Variants in PSME4 observed in about 807,000 individuals in gnomAD.
PSME4 encodes proteasome activator subunit 4.
A neutral mutation model predicts 253.9 loss-of-function variants in PSME4; 89 were observed. That is an observed-to-expected ratio of 0.35 (90% confidence interval 0.30 to 0.42). The LOEUF (loss-of-function observed/expected upper bound fraction) is 0.42. Ranked by LOEUF, PSME4 falls within the 10% of genes least tolerant of loss-of-function variation. The pLI, the probability that PSME4 is intolerant of heterozygous loss-of-function variation, is 1.00. For missense variants in PSME4, 2,014 were observed against 2,195.2 expected (o/e 0.92, Z 1.65); for synonymous variants, 851 against 759.2 (o/e 1.12, Z -1.99).
chr2:53,926,440 G>A (rs538875173), intron 12 of PSME4, among the ~76,000 whole-genome samples: 196 of 152,266 alleles, frequency 1.3e-3, no homozygotes, highest in African/African-American at 4.6e-3. Flanking sequence ...TTGGGAGGCC[G>A]AGGCAAGCGA....
chr2:53,937,317 T>TA, intron 5 of PSME4, 74 bp downstream of exon 5: 1 of 1,324,808 alleles, frequency 7.5e-7, no homozygotes, highest in African/African-American at 1.5e-5. Context: ...TTCTAGTTGT[T>TA]ATTGTTTTAC....
rs1358786261 is a variant in PSME4, at chr2:53,928,162, C to G, written c.1458G>C (p.Met486Ile). The change falls in exon 11 of 47, where the codon ATG becomes ATC. Residue 486 changes from methionine (M) to isoleucine (I), a missense_variant. Transcript: ENST00000404125. ...TTGGATCCACCCCAGGCAATGCTCT[C>G]ATCAACAGAGGTAGCATATGTGTAG... Reference protein sequence around the residue: ...EGPTHMLPLLMRALPGVDPND... With the variant: ...EGPTHMLPLLIRALPGVDPND... The G allele has an allele frequency of 6.2e-7, 1 of 1,614,002 alleles. No homozygotes were observed. Among genetic ancestry groups the G allele is most frequent in the African/African-American group, 1.3e-5 (1 of 74,898 alleles).
intron 45 of PSME4, 151 bp downstream of exon 45, chr2:53,866,596 T>A (rs1678575753): frequency 2.4e-6 from 2 of 843,574 alleles, no homozygotes; most frequent in Non-Finnish European, 1.7e-6. Flanking sequence ...CTCTGTAATT[T>A]TTTAATAATT....
intron 3 of PSME4, among the ~76,000 whole-genome samples, chr2:53,941,289 T>C (rs1170652576): frequency 6.8e-6 from 1 of 146,782 alleles, no homozygotes; most frequent in African/African-American, 2.5e-5. Flanking sequence ...ACACATGAGA[T>C]GACTTCTAAA....
chr2:53,869,224 A>G, intron 44 of PSME4, 152 bp downstream of exon 44: 1 of 697,874 alleles, frequency 1.4e-6, no homozygotes, highest in Non-Finnish European at 2.2e-6. Flanking sequence ...TGCTTTCTAT[A>G]TGCAAAACTC....
chr2:53,868,555 AAT>A (rs539241532), intron 44 of PSME4, among the ~76,000 whole-genome samples: 509 of 50,388 alleles, frequency 0.01, 7 homozygotes, highest in African/African-American at 0.03. Flanking sequence ...ATATATTTAT[AAT>A]ATATATAATA....
rs1668374964 is a variant in PSME4 at position 53,922,568 on chromosome 2, A to T, written c.1995T>A (p.Asn665Lys). 6.2e-7 allele frequency: 1 copy of T among 1,612,976 alleles called. No homozygotes were observed. Among genetic ancestry groups the T allele is most frequent in the Non-Finnish European group, 8.5e-7 (1 of 1,179,610 alleles). The change falls in exon 17 of 47, where the codon AAT (asparagine) becomes AAA (lysine). Residue 665 changes from asparagine to lysine, a missense_variant. By Grantham distance (94) the Asn-to-Lys change is moderately conservative. This residue lies in a region of PSME4 where 989 missense variants were observed against 1,021.1 expected (regional missense o/e 0.97). Transcript: ENST00000404125. ...TQLTMNDDVL[N>K]DEELDKELLW... is the part of the protein sequence containing the mutation. The stretch of plus-strand genomic sequence containing the variant: ...GTAATTCCTTGTCTAGCTCTTCATC[A>T]TTTAATACATCATCATCTAAAAACA...
Position 53,928,170 on chromosome 2 carries a change from G to T in PSME4, c.1450C>A (p.Leu484Met). ...ACCCCAGGCAATGCTCTCATCAACA[G>T]AGGTAGCATATGTGTAGGACCTTCA... is the stretch of plus-strand genomic sequence containing the variant. ...FPEGPTHMLP[L>M]LMRALPGVDP... Residue 484 changes from leucine (L) to methionine (M), a missense_variant, in exon 11 of 47, where the codon CTG (leucine) becomes ATG (methionine). Around this residue, in one of 4 missense-constraint regions of PSME4, gnomAD observed 615 missense variants for 594.4 expected, o/e 1.03. Coordinates refer to ENST00000404125, the MANE Select transcript of PSME4 (RefSeq NM_014614.3). 6.2e-7 allele frequency: 1 copy of T among 1,614,058 alleles called. No homozygotes were observed. Among genetic ancestry groups the T allele is most frequent in the Non-Finnish European group, 8.5e-7 (1 of 1,180,028 alleles).
intron 35 of PSME4, 141 bp downstream of exon 35, chr2:53,893,533 C>T (rs1405183021): frequency 6.9e-7 from 1 of 1,457,698 alleles, no homozygotes; most frequent in South Asian, 1.3e-5. Flanking sequence ...CAACAAAAGT[C>T]TGTACATGTT....
intron 1 of PSME4, among the ~76,000 whole-genome samples, chr2:53,965,692 G>A (rs1670697773): frequency 6.9e-6 from 1 of 145,640 alleles, no homozygotes; most frequent in East Asian, 2.0e-4. Flanking sequence ...TTGAGTCAGA[G>A]TCTCGCTCTG....
chr2:53,866,269 C>T lies in PSME4; in HGVS notation c.5398-46G>A, dbSNP rs754068034. 2.5e-6 allele frequency: 4 copies of T among 1,596,672 alleles called. No individual in the cohort carries two copies. The South Asian group carries it at 3.4e-5, about 13-fold the overall frequency. On this transcript the variant is annotated intron_variant, in intron 45 of 46. Transcript: ENST00000404125. ...ATACGTTTTAACCTCTCTGGACAAC[C>T]AGGATCATATGTAGGATACTTTTAG...
intron 9 of PSME4, 88 bp downstream of exon 9, chr2:53,932,580 G>T (rs1054599289): frequency 3.8e-5 from 41 of 1,089,594 alleles, no homozygotes; most frequent in Non-Finnish European, 5.1e-5. Context: ...GACAGAAAAT[G>T]TATTACAGGT....
At position 53,866,861 on chromosome 2, in the gene PSME4, A is replaced by G. The variant is rs1366154068; in HGVS notation, c.5283T>C (p.Ala1761=). The G allele has an allele frequency of 1.8e-5, 29 of 1,614,070 alleles. No homozygotes were observed. Among genetic ancestry groups the G allele is most frequent in the Non-Finnish European group, 2.5e-5 (29 of 1,179,984 alleles). The change falls in exon 45 of 47, where the codon GCT becomes GCC. Residue 1761 remains alanine (A), a synonymous_variant. Transcript: ENST00000404125. ...CACATGCACCAAGTCCTAGCACCCC[A>G]GCATGGCGTTTGACCAACTCTGCAA... The part of the protein sequence containing the change: ...IPSAELVKRH[A]GVLGLGACVL...
chr2:53,947,170 T>C lies in PSME4; in HGVS notation c.500+1251A>G, dbSNP rs575770879. On this transcript the variant is annotated intron_variant, in intron 3 of 46. Transcript: ENST00000404125. ...AAGATCATGTTTTACCTCTTCCACT[T>C]ACACCATTTCACATTTGCCATCTGC... Among the ~76,000 whole-genome samples the C allele has an allele frequency of 8.5e-5, 13 of 152,322 alleles. No individual in the cohort carries two copies. The South Asian group carries it at 2.7e-3, about 32-fold the overall frequency.
Position 53,897,850 on chromosome 2 carries a change from A to G in PSME4, c.3606+20T>C, listed in dbSNP as rs1257031344. ...TACATATTCTCAAACCCAAGACTGT[A>G]GCTAAAACAAGGTATGTACCTTTCG... On this transcript the variant is annotated intron_variant, in intron 31 of 46. Coordinates refer to ENST00000404125, the MANE Select transcript of PSME4 (RefSeq NM_014614.3). 3.1e-6 allele frequency: 5 copies of G among 1,610,612 alleles called. 1 individual carries two copies. Among genetic ancestry groups the G allele is most frequent in the Admixed American group, 1.7e-5 (1 of 59,972 alleles).
At chr2:53,921,615 T>C (rs1435048213) in intron 17 of PSME4, among the ~76,000 whole-genome samples, 207 of 123,572 alleles carry the variant, frequency 1.7e-3, no homozygotes, top group Middle Eastern at 0.016. Flanking sequence ...ACGCCTGTAA[T>C]CCCAGCACTT....
At position 53,898,363 on chromosome 2, in the gene PSME4, A is replaced by G; in HGVS notation, c.3423-9T>C. On this transcript the variant is annotated splice_polypyrimidine_tract_variant and intron_variant, in intron 29 of 46. Transcript: ENST00000404125. The stretch of plus-strand genomic sequence containing the variant: ...CCAAATTTTCATAGTTCCTTTAAAA[A>G]AAAGGTGAGGTATTATTTTACTATA... The G allele has an allele frequency of 6.3e-7, 1 of 1,586,326 alleles. No individual in the cohort carries two copies. The highest frequency in any genetic ancestry group is 1.2e-5 in the South Asian group (1 of 86,492).
chr2:53,954,763 C>A (rs1439781162), intron 1 of PSME4, among the ~76,000 whole-genome samples: 4 of 151,076 alleles, frequency 2.6e-5, no homozygotes, highest in Non-Finnish European at 5.9e-5. Context: ...ATCAGTTGAA[C>A]CCTGGATGTG....
rs766056218 is a variant in PSME4, at chr2:53,908,586, G to A, written c.2630-21C>T. ...GTGGTCTATAATGGAAGAAAGAAAA[G>A]GATTTTGGTTAAAATATTTTGAACT... is the stretch of plus-strand genomic sequence containing the variant. On this transcript the variant is annotated intron_variant, in intron 22 of 46. Coordinates refer to ENST00000404125, the MANE Select transcript of PSME4 (RefSeq NM_014614.3). 5 of 1,572,836 alleles carry A rather than the reference G, an allele frequency of 3.2e-6. No homozygotes were observed. In the South Asian group the frequency reaches 6.0e-5, roughly 19 times the overall value.
Sources: allele counts gnomAD v4.1 joint callset (sites outside exome capture counted in the v4.1 genomes callset), GRCh38; gene constraint gnomAD v4.1.1; regional missense constraint gnomAD v4.1.1; transcripts MANE v1.5; gene names NCBI Gene and HGNC (gene_info 2026-07-23, HGNC 2026-07-21).